Variants in ECHDC3 observed in about 807,000 individuals in gnomAD.
ECHDC3 encodes the protein enoyl-CoA hydratase domain-containing protein 3, mitochondrial.
A neutral mutation model predicts 17.9 loss-of-function variants in ECHDC3; 20 were observed. That is an observed-to-expected ratio of 1.12 (90% confidence interval 0.79 to 1.63). The LOEUF (loss-of-function observed/expected upper bound fraction) is 1.63, where lower values mean the gene tolerates loss of function less well. ECHDC3 is among the 40% of genes most tolerant of loss of function. The pLI is 0.00. For synonymous variants in ECHDC3, 177 were observed against 149.7 expected (o/e 1.18, Z -1.33); for missense variants, 407 against 357.7 (o/e 1.14, Z -1.11).
At chr10:11,747,531 T>C (rs1832776071) in intron 2 of ECHDC3, 61 bp downstream of exon 2, 5 of 1,576,870 alleles carry the variant, frequency 3.2e-6, no homozygotes, top group Admixed American at 3.6e-5. Flanking sequence ...TCTGAGTCTT[T>C]AGTAAACTGG....
intron 4 of ECHDC3, among the ~76,000 whole-genome samples, chr10:11,756,633 A>G (rs891866247): frequency 2.0e-5 from 3 of 152,244 alleles, no homozygotes; most frequent in Non-Finnish European, 4.4e-5. Context: ...CACTTAGGAC[A>G]GTGGGCTGGA....
chr10:11,744,235 G>A (rs1451440924), intron 1 of ECHDC3, among the ~76,000 whole-genome samples: 11 of 152,176 alleles, frequency 7.2e-5, no homozygotes, highest in Non-Finnish European at 7.3e-5. Flanking sequence ...AGGGCCACAC[G>A]GCCAGTAGGT....
chr10:11,757,573 C>G (rs968210704), intron 4 of ECHDC3, among the ~76,000 whole-genome samples: 13 of 117,506 alleles, frequency 1.1e-4, no homozygotes, highest in Admixed American at 4.0e-4. Context: ...GTTCTGACCC[C>G]CAGAAGGCCT....
intron 3 of ECHDC3, among the ~76,000 whole-genome samples, chr10:11,754,352 A>C (rs1229353934): frequency 6.6e-6 from 1 of 152,212 alleles, no homozygotes; most frequent in Admixed American, 6.5e-5. Context: ...TTAGAAATTG[A>C]AGTTACCATA....
chr10:11,759,308 C>T lies in ECHDC3; in HGVS notation c.591+3700C>T, dbSNP rs532384945. ...GGCGGAGGTTGCAGTGAGCCGAGGT[C>T]GTGCCATTGCTCTCCAGCCTGGGCA... On this transcript the variant is annotated intron_variant, in intron 4 of 4. Coordinates refer to ENST00000379215, the MANE Select transcript of ECHDC3 (RefSeq NM_024693.5). Among the ~76,000 whole-genome samples, 9 of 147,872 alleles carry T rather than the reference C, an allele frequency of 6.1e-5. No homozygotes were observed. In the South Asian group the frequency reaches 1.7e-3, roughly 28 times the overall value.
intron 2 of ECHDC3, 65 bp downstream of exon 2, chr10:11,747,535 AAACTGGGGCATCCCTTTATTT>A: frequency 6.4e-7 from 1 of 1,559,988 alleles, no homozygotes; most frequent in Non-Finnish European, 8.7e-7. Context: ...AGTCTTTAGT[AAACTGGGGCATCCCTTTATTT>A]AACTGGAGAA....
intron 1 of ECHDC3, among the ~76,000 whole-genome samples, chr10:11,743,201 G>A (rs1268177296): frequency 6.6e-6 from 1 of 152,206 alleles, no homozygotes; most frequent in African/African-American, 2.4e-5. Flanking sequence ...TACGCCAACT[G>A]GAATCTGGGC....
intron 2 of ECHDC3, among the ~76,000 whole-genome samples, 196 bp downstream of exon 2, chr10:11,747,666 A>G (rs1192223873): frequency 6.6e-6 from 1 of 152,230 alleles, no homozygotes; most frequent in Non-Finnish European, 1.5e-5. Context: ...TATAACAAAG[A>G]TGACTGTTCA....
rs1192443550 is a variant in ECHDC3 at position 11,755,704 on chromosome 10, G to A, written c.591+96G>A. ...GATTCAAGATCCGCTTGTTAAAAGT[G>A]CCTTTCATATCAGGACGTTCTGCCC... On this transcript the variant is annotated intron_variant, in intron 4 of 4. Transcript: ENST00000379215. 5.0e-6 allele frequency: 6 copies of A among 1,211,970 alleles called. No individual in the cohort carries two copies. The African/African-American group carries it at 5.9e-5, about 12-fold the overall frequency. The allele number at this position is 1,211,970 out of a possible 1,614,324, so 75.1% of individuals were successfully genotyped here.
In ECHDC3 at chr10:11,749,611, C is replaced by G. The variant is rs914106839; in HGVS notation, c.390+19C>G. ...TTCCAAGGTAAGCCAAGACGACAGT[C>G]GACAGTGCAAACCTGCAAATGATCA... is the stretch of plus-strand genomic sequence containing the variant. On this transcript the variant is annotated intron_variant, in intron 3 of 4. Transcript: ENST00000379215. 6.2e-7 allele frequency: 1 copy of G among 1,611,404 alleles called. No individual in the cohort carries two copies. The highest frequency in any genetic ancestry group is 1.1e-5 in the South Asian group (1 of 91,024).
chr10:11,742,409 C>A lies in ECHDC3; in HGVS notation c.-168C>A, dbSNP rs1188701139. ...AGTACGGACTGGGCCTGGCCTGGGG[C>A]GTCCCCGCGAAGCCTGGGCCTGTCA... is the stretch of plus-strand genomic sequence containing the variant. On this transcript the variant is annotated 5_prime_UTR_variant, in exon 1 of 5. Coordinates refer to ENST00000379215, the MANE Select transcript of ECHDC3 (RefSeq NM_024693.5). 6.2e-6 allele frequency: 3 copies of A among 484,616 alleles called. No homozygotes were observed. Among genetic ancestry groups the A allele is most frequent in the East Asian group, 4.3e-5 (1 of 23,162 alleles). The allele number at this position is 484,616 out of a possible 1,614,324, so 30.0% of individuals were successfully genotyped here.
At chr10:11,759,840 G>A (rs776368481) in intron 4 of ECHDC3, among the ~76,000 whole-genome samples, 2 of 152,332 alleles carry the variant, frequency 1.3e-5, no homozygotes, top group South Asian at 4.1e-4. Flanking sequence ...CCTACTGAGT[G>A]CCCAGGACTG....
chr10:11,762,201 C>T (rs997253148), intron 4 of ECHDC3, among the ~76,000 whole-genome samples: 7 of 152,220 alleles, frequency 4.6e-5, no homozygotes, highest in African/African-American at 1.4e-4. Context: ...AGACGGGAGT[C>T]GCATCAGGGT....
intron 1 of ECHDC3, 142 bp from the exon 2 acceptor site, chr10:11,747,203 TGACA>T: frequency 9.7e-7 from 1 of 1,033,166 alleles, no homozygotes; most frequent in Non-Finnish European, 1.3e-6. Context: ...TCCAGAGAGT[TGACA>T]GACCCTCTAA....
Position 11,764,017 on chromosome 10 carries a change from C to A in ECHDC3, c.*473C>A. On this transcript the variant is annotated 3_prime_UTR_variant, in exon 5 of 5. Transcript: ENST00000379215. ...TTGATTCTATAGAGACTTAATCATG[C>A]CTATGGCTTTGAATAATCTTATGTG... 1 of 903,368 alleles carries A rather than the reference C, an allele frequency of 1.1e-6. No individual in the cohort carries two copies. The highest frequency in any genetic ancestry group is 1.3e-6 in the Non-Finnish European group (1 of 754,872). 56.0% of individuals were successfully genotyped at this position (903,368 alleles called of 1,614,324 possible). A position where few individuals can be genotyped will look rare whatever the true frequency, so the allele number is the denominator to read the frequency against.
intron 4 of ECHDC3, among the ~76,000 whole-genome samples, chr10:11,756,390 G>C (rs1832886925): frequency 6.6e-6 from 1 of 152,198 alleles, no homozygotes; most frequent in African/African-American, 2.4e-5. Flanking sequence ...ACCACACCAA[G>C]CAAAGAAGCT....
chr10:11,742,803 C>T (rs959072205), intron 1 of ECHDC3, 57 bp downstream of exon 1: 2 of 1,221,862 alleles, frequency 1.6e-6, no homozygotes, highest in South Asian at 3.8e-5. Flanking sequence ...GTCAGGGCGC[C>T]GCCATTGACC....
At position 11,742,658 on chromosome 10, in the gene ECHDC3, G is replaced by C; in HGVS notation, c.82G>C (p.Ala28Pro). 1.6e-6 allele frequency: 2 copies of C among 1,250,292 alleles called. No homozygotes were observed. Among genetic ancestry groups the C allele is most frequent in the South Asian group, 3.2e-5 (1 of 31,356 alleles). The allele number at this position is 1,250,292 out of a possible 1,614,324, so 77.4% of individuals were successfully genotyped here. The change falls in exon 1 of 5, where the codon GCC becomes CCC. Residue 28 changes from alanine to proline, a missense_variant. Coordinates refer to ENST00000379215, the MANE Select transcript of ECHDC3 (RefSeq NM_024693.5). Reference protein sequence around the residue: ...LRRGPWAQLPARFCSRDPAGA... With the variant: ...LRRGPWAQLPPRFCSRDPAGA... ...GCGCGGCCCCTGGGCCCAGCTCCCC[G>C]CCCGCTTCTGCAGCCGGGACCCGGC...
rs1434234030 is a variant in ECHDC3, at chr10:11,763,080, G to A, written c.592-144G>A. ...TCTTGGAAAGATCCGCTCTCCTCCC[G>A]GGCAGGAGTTAGGGCACTGAAGACG... On this transcript the variant is annotated intron_variant, in intron 4 of 4. Coordinates refer to ENST00000379215, the MANE Select transcript of ECHDC3 (RefSeq NM_024693.5). This position sits in a 1 kb window ranked among gnomAD's most constrained non-coding sequence, Gnocchi z 4.9. 9 of 602,680 alleles carry A rather than the reference G, an allele frequency of 1.5e-5. No homozygotes were observed. Among genetic ancestry groups the A allele is most frequent in the South Asian group, 4.0e-5 (2 of 50,600 alleles). The allele number at this position is 602,680 out of a possible 1,614,324, so 37.3% of individuals were successfully genotyped here.
Sources: allele counts gnomAD v4.1 joint callset (sites outside exome capture counted in the v4.1 genomes callset), GRCh38; gene constraint gnomAD v4.1.1; non-coding constraint Gnocchi (gnomAD v3.1); transcripts MANE v1.5; gene names NCBI Gene and HGNC (gene_info 2026-07-23, HGNC 2026-07-21).